Variants in NEK10 observed in about 807,000 individuals in gnomAD.
NEK10 encodes the protein serine/threonine-protein kinase Nek10.
A neutral mutation model predicts 159.8 loss-of-function variants in NEK10; 122 were observed. That is an observed-to-expected ratio of 0.76 (90% CI 0.66 to 0.89). The LOEUF (loss-of-function observed/expected upper bound fraction) is 0.89. NEK10 is among the 40% of genes least tolerant of loss of function. The pLI, the probability that NEK10 is intolerant of heterozygous loss-of-function variation, is 0.00. For synonymous variants in NEK10, 466 were observed against 457.1 expected, an observed-to-expected ratio of 1.02 and a Z score of -0.25; for missense variants, 1,342 against 1,323.1, an observed-to-expected ratio of 1.01 and a Z score of -0.22.
Position 27,119,782 on chromosome 3 carries a change from G to A in NEK10, c.3168C>T (p.Ser1056=). ...TACCTGTAGGGTCATTTGGGGACAG[G>A]CTGTTTCCACCGGATGAACGATGTA... The part of the protein sequence containing the change: ...HLLHRSSGGN[S]LSPNDPTGLP... Residue 1056 remains serine (S), a synonymous_variant, in exon 33 of 36, where the codon AGC becomes AGT. Coordinates refer to ENST00000691995, the MANE Select transcript of NEK10 (RefSeq NM_001394966.1). 6.2e-7 allele frequency: 1 copy of A among 1,613,802 alleles called. No homozygotes were observed. The highest frequency in any genetic ancestry group is 8.5e-7 in the Non-Finnish European group (1 of 1,179,726).
At chr3:27,154,885 A>T (rs1355874949) in intron 30 of NEK10, among the ~76,000 whole-genome samples, 1 of 152,200 alleles carries the variant, frequency 6.6e-6, no homozygotes, top group Non-Finnish European at 1.5e-5. Flanking sequence ...TGAGAACTGG[A>T]ACAAGACAAG....
At position 27,301,067 on chromosome 3, in the gene NEK10, G is replaced by A. The variant is rs142801868; in HGVS notation, c.1168+629C>T. Among the ~76,000 whole-genome samples the A allele has an allele frequency of 6.1e-3, 924 of 152,156 alleles. 10 individuals carry two copies. Among genetic ancestry groups the A allele is most frequent in the African/African-American group, 0.021 (880 of 41,492 alleles). On this transcript the variant is annotated intron_variant, in intron 13 of 35. Transcript: ENST00000691995. ...CCTCTCTGCTCCCTTTCTGTGGGCCGCTCTAGGGCACCCAAATTGGCCAAT... is the reference window on the plus strand; with the variant it reads ...CCTCTCTGCTCCCTTTCTGTGGGCCACTCTAGGGCACCCAAATTGGCCAAT...
chr3:27,206,382 T>C (rs2149070687), intron 23 of NEK10, among the ~76,000 whole-genome samples: 1 of 152,264 alleles, frequency 6.6e-6, no homozygotes, highest in East Asian at 1.9e-4. Context: ...GTAAATGATG[T>C]TGTATTTTAA....
At chr3:27,294,308 T>C (rs1025765008) in intron 15 of NEK10, among the ~76,000 whole-genome samples, 5 of 152,222 alleles carry the variant, frequency 3.3e-5, no homozygotes, top group African/African-American at 1.2e-4. Context: ...ATTGGAGTGA[T>C]CAGGGTTTGG....
intron 23 of NEK10, among the ~76,000 whole-genome samples, chr3:27,240,448 C>A (rs1052182341): frequency 7.2e-6 from 1 of 139,010 alleles, no homozygotes; most frequent in African/African-American, 2.6e-5. Context: ...TACAATCTCC[C>A]AATAATACAT....
At chr3:27,312,581 C>CG (rs2044789669) in intron 7 of NEK10, among the ~76,000 whole-genome samples, 1 of 151,808 alleles carries the variant, frequency 6.6e-6, no homozygotes, top group African/African-American at 2.4e-5. Flanking sequence ...ATATATTTTA[C>CG]TGACGTATAT....
intron 23 of NEK10, among the ~76,000 whole-genome samples, chr3:27,206,956 T>C (rs2149074054): frequency 6.6e-6 from 1 of 152,270 alleles, no homozygotes; most frequent in East Asian, 1.9e-4. Context: ...ACATTTCTAT[T>C]TATTTTTCTA....
At position 27,110,220 on chromosome 3, in the gene NEK10, CTGAT is replaced by C. The variant is rs1218695876; in HGVS notation, c.*1048_*1051del. On this transcript the variant is annotated 3_prime_UTR_variant, in exon 36 of 36. Transcript: ENST00000691995. ...GACATTACACCAGAGTTTTAAGAAG[CTGAT>C]TGAAGAGAAGGAGTTTAAGCCCAGT... 7 of 142,330 alleles carry C rather than the reference CTGAT, an allele frequency of 4.9e-5. No homozygotes were observed. The highest frequency in any genetic ancestry group is 1.7e-4 in the African/African-American group (7 of 40,488). The allele number at this position is 142,330 out of a possible 1,614,324, so 8.8% of individuals were successfully genotyped here.
chr3:27,237,511 T>C (rs2149243704), intron 23 of NEK10, among the ~76,000 whole-genome samples: 1 of 152,314 alleles, frequency 6.6e-6, no homozygotes, highest in African/African-American at 2.4e-5. Flanking sequence ...TTTATGTTCC[T>C]CTGCCGTGGC....
intron 14 of NEK10, among the ~76,000 whole-genome samples, chr3:27,296,323 G>T (rs2043350383): frequency 6.6e-6 from 1 of 151,948 alleles, no homozygotes; most frequent in Non-Finnish European, 1.5e-5. Context: ...TAATTTCCTT[G>T]TTTTATACAT....
At chr3:27,235,944 A>G (rs577541934) in intron 23 of NEK10, among the ~76,000 whole-genome samples, 2 of 152,228 alleles carry the variant, frequency 1.3e-5, no homozygotes, top group Non-Finnish European at 2.9e-5. Flanking sequence ...TGTGATACAT[A>G]TACACCATGG....
At chr3:27,225,510 A>G (rs1263192760) in intron 23 of NEK10, among the ~76,000 whole-genome samples, 2 of 152,208 alleles carry the variant, frequency 1.3e-5, no homozygotes, top group African/African-American at 2.4e-5. Context: ...TTACCACTGT[A>G]CCTTGTGCTA....
intron 1 of NEK10, among the ~76,000 whole-genome samples, chr3:27,366,460 A>C (rs912989572): frequency 6.6e-6 from 1 of 152,234 alleles, no homozygotes; most frequent in Non-Finnish European, 1.5e-5. Context: ...CCAAGTGCTC[A>C]ACCCAGTTCA....
At chr3:27,335,339 C>CAA (rs3036447) in intron 5 of NEK10, among the ~76,000 whole-genome samples, 18,106 of 98,062 alleles carry the variant, frequency 0.18, 3,073 homozygotes, top group African/African-American at 0.48. Context: ...AACTCTGTCT[C>CAA]AAAAAAAAAA....
chr3:27,247,864 A>G, intron 23 of NEK10, among the ~76,000 whole-genome samples: 1 of 104,090 alleles, frequency 9.6e-6, no homozygotes, highest in South Asian at 3.1e-4. Flanking sequence ...TGGTTTTTGT[A>G]TCAGGGTAAT....
intron 11 of NEK10, among the ~76,000 whole-genome samples, chr3:27,307,057 AG>A (rs1216414357): frequency 2.6e-5 from 4 of 152,176 alleles, no homozygotes; most frequent in African/African-American, 9.7e-5. Context: ...TATCAGTTAT[AG>A]CACTGTTTGA....
At chr3:27,295,095 C>T (rs537901109) in intron 15 of NEK10, among the ~76,000 whole-genome samples, 21 of 152,272 alleles carry the variant, frequency 1.4e-4, no homozygotes, top group African/African-American at 4.6e-4. Context: ...CACTGGCCCC[C>T]ACAACCACAC....
intron 11 of NEK10, among the ~76,000 whole-genome samples, chr3:27,306,151 T>C (rs2044228011): frequency 6.6e-6 from 1 of 152,110 alleles, no homozygotes; most frequent in South Asian, 2.1e-4. Flanking sequence ...AGACACATAC[T>C]CCTCTTTTCA....
chr3:27,296,718 G>A (rs1311474758), intron 14 of NEK10, among the ~76,000 whole-genome samples: 1 of 152,080 alleles, frequency 6.6e-6, no homozygotes, highest in East Asian at 1.9e-4. Flanking sequence ...ATATATAGCT[G>A]TACATATAGT....
Sources: allele counts gnomAD v4.1 joint callset (sites outside exome capture counted in the v4.1 genomes callset), GRCh38; gene constraint gnomAD v4.1.1; transcripts MANE v1.5; gene names NCBI Gene and HGNC (gene_info 2026-07-23, HGNC 2026-07-21).